The following OTUD7B variants were observed in gnomAD, a reference collection of about 807,000 sequenced individuals.
The protein encoded by OTUD7B is OTU domain-containing protein 7B.
A neutral mutation model predicts 82.2 loss-of-function variants in OTUD7B; 34 were observed. That is an observed-to-expected ratio of 0.41 (90% CI 0.31 to 0.55). The LOEUF (loss-of-function observed/expected upper bound fraction) is 0.55, where lower values mean the gene tolerates loss of function less well. Ranked by LOEUF, OTUD7B falls within the 20% of genes least tolerant of loss-of-function variation. The pLI is 0.20. For synonymous variants in OTUD7B, 398 were observed against 402.7 expected (o/e 0.99, Z 0.14); for missense variants, 944 against 1,062.1 (o/e 0.89, Z 1.55).
the OTUD7B span, among the ~76,000 whole-genome samples, chr1:150,028,847 T>G: frequency 1.3e-5 from 2 of 152,188 alleles, no homozygotes; most frequent in African/African-American, 4.8e-5. Flanking sequence ...CTCTAGGTAC[T>G]TTGAATAAGT....
chr1:149,976,838 A>G (rs1455337454), intron 2 of OTUD7B, among the ~76,000 whole-genome samples: 3 of 151,822 alleles, frequency 2.0e-5, no homozygotes, highest in Admixed American at 2.0e-4. Context: ...TTATGCTTTT[A>G]GGCCGGGCAC....
intron 1 of OTUD7B, among the ~76,000 whole-genome samples, chr1:150,006,232 C>T (rs1391044169): frequency 1.3e-5 from 2 of 152,138 alleles, no homozygotes; most frequent in African/African-American, 2.4e-5. Flanking sequence ...CCGAGTCAGG[C>T]GGATCACGAG....
chr1:149,969,449 T>A (rs188266155), intron 3 of OTUD7B, among the ~76,000 whole-genome samples: 4 of 152,306 alleles, frequency 2.6e-5, no homozygotes, highest in African/African-American at 9.6e-5. Flanking sequence ...AACTTTTGTA[T>A]CCTTCTAGAA....
chr1:150,064,008 T>TACAA, the OTUD7B span, among the ~76,000 whole-genome samples: 34 of 152,344 alleles, frequency 2.2e-4, no homozygotes, highest in African/African-American at 7.9e-4. Context: ...TTAATGGAAA[T>TACAA]TATATTTAGA....
rs782083871 is a variant in OTUD7B, at chr1:149,944,683, T to C, written c.1706A>G (p.Asp569Gly). Reference protein sequence around the residue: ...WKGGKEEAAGDGPVSEKPPAE... With the variant: ...WKGGKEEAAGGGPVSEKPPAE... ...TGGGGGCTTCTCAGACACAGGCCCA[T>C]CCCCAGCTGCCTCCTCCTTGCCACC... The change falls in exon 12 of 12, where the codon GAT (aspartate) becomes GGT (glycine). Residue 569 changes from aspartate to glycine, a missense_variant. Transcript: ENST00000581312. 3 of 1,613,792 alleles carry C rather than the reference T, an allele frequency of 1.9e-6. 1 individual carries two copies. In the South Asian group the frequency reaches 3.3e-5, roughly 18 times the overall value.
chr1:150,016,508 G>C, the OTUD7B span, among the ~76,000 whole-genome samples: 9 of 144,570 alleles, frequency 6.2e-5, no homozygotes, highest in African/African-American at 2.3e-4. Context: ...AGGCTGGAGT[G>C]CAGTGGCACA....
the OTUD7B span, among the ~76,000 whole-genome samples, chr1:150,039,464 G>A: frequency 6.6e-6 from 1 of 151,824 alleles, no homozygotes; most frequent in Non-Finnish European, 1.5e-5. Flanking sequence ...TGCAAGCTCC[G>A]TCTCCCGGGT....
the OTUD7B span, among the ~76,000 whole-genome samples, chr1:150,035,139 C>T: frequency 0.028 from 674 of 24,448 alleles, 7 homozygotes; most frequent in African/African-American, 0.11. Flanking sequence ...AGCGAAACTT[C>T]ATCTCAAAAA....
At chr1:149,967,185 C>T in intron 4 of OTUD7B, 109 bp downstream of exon 4, 1 of 671,142 alleles carries the variant, frequency 1.5e-6, no homozygotes, top group Non-Finnish European at 2.6e-6. Context: ...ACTTTGCAAT[C>T]AGATAACACA....
intron 1 of OTUD7B, among the ~76,000 whole-genome samples, chr1:149,986,248 C>CAT (rs1553780778): frequency 7.9e-5 from 12 of 151,092 alleles, no homozygotes; most frequent in African/African-American, 3.0e-4. Context: ...CACACACACA[C>CAT]ACACACACAC....
intron 6 of OTUD7B, chr1:149,962,441 A>G (rs1649221072): frequency 6.6e-6 from 1 of 152,192 alleles, no homozygotes; most frequent in Non-Finnish European, 1.5e-5. Flanking sequence ...AGCTAAGACA[A>G]TTATGAAAGC....
At chr1:150,047,621 T>C in the OTUD7B span, 1 of 152,194 alleles carries the variant, frequency 6.6e-6, no homozygotes, top group Admixed American at 6.5e-5. Context: ...TACATGCCTA[T>C]GTAGGTGACC....
the OTUD7B span, among the ~76,000 whole-genome samples, chr1:150,033,934 A>T: frequency 6.6e-6 from 1 of 152,046 alleles, no homozygotes; most frequent in African/African-American, 2.4e-5. Flanking sequence ...GTTGGCCAGG[A>T]TGGACTCAAT....
chr1:150,040,917 C>T, the OTUD7B span, among the ~76,000 whole-genome samples: 3,265 of 152,092 alleles, frequency 0.021, 96 homozygotes, highest in African/African-American at 0.074. Flanking sequence ...GCCATGTTGA[C>T]CAGGCTGGTC....
intron 1 of OTUD7B, among the ~76,000 whole-genome samples, chr1:149,978,434 G>A (rs1047622272): frequency 6.7e-6 from 1 of 150,148 alleles, no homozygotes; most frequent in Non-Finnish European, 1.5e-5. Context: ...TTGAACCTAC[G>A]TGGGGCAGAG....
the OTUD7B span, among the ~76,000 whole-genome samples, chr1:150,021,832 G>C: frequency 6.6e-6 from 1 of 152,066 alleles, no homozygotes; most frequent in Non-Finnish European, 1.5e-5. Context: ...AGGCAGAAGG[G>C]AGAAAAAAGG....
intron 1 of OTUD7B, among the ~76,000 whole-genome samples, chr1:149,983,105 T>C (rs1292989091): frequency 2.6e-5 from 4 of 152,162 alleles, no homozygotes; most frequent in African/African-American, 9.6e-5. Context: ...TCCACCCGCC[T>C]TGGCCTCCCA....
upstream of OTUD7B, among the ~76,000 whole-genome samples, chr1:150,011,758 G>T (rs1653076337): frequency 6.6e-6 from 1 of 152,160 alleles, no homozygotes; most frequent in Non-Finnish European, 1.5e-5. Context: ...TATAGCACCT[G>T]GTCTGCATAT....
the OTUD7B span, among the ~76,000 whole-genome samples, chr1:150,044,457 C>G: frequency 6.6e-6 from 1 of 152,046 alleles, no homozygotes; most frequent in East Asian, 1.9e-4. Context: ...ACCCACCCGC[C>G]TCAACCTCCC....
Sources: allele counts gnomAD v4.1 joint callset (sites outside exome capture counted in the v4.1 genomes callset), GRCh38; gene constraint gnomAD v4.1.1; transcripts MANE v1.5; gene names NCBI Gene and HGNC (gene_info 2026-07-23, HGNC 2026-07-21).